The following STK39 variants were observed in gnomAD, a reference collection of about 807,000 sequenced individuals.
STK39 encodes the protein serine/threonine kinase 39.
A neutral mutation model predicts 77.8 loss-of-function variants in STK39; 20 were observed. The observed-to-expected ratio is 0.26, with a 90% confidence interval of 0.18 to 0.37. STK39 has a LOEUF of 0.37. Ranked by LOEUF, STK39 falls within the 10% of genes least tolerant of loss-of-function variation. The pLI is 1.00. For missense variants in STK39, 479 were observed against 656.5 expected (o/e 0.73, Z 2.95); for synonymous variants, 246 against 234.1 (o/e 1.05, Z -0.47).
At chr2:168,075,486 C>T (rs138301334) in intron 10 of STK39, among the ~76,000 whole-genome samples, 6 of 152,024 alleles carry the variant, frequency 3.9e-5, no homozygotes, top group East Asian at 3.9e-4. Context: ...TTTGGAAGAA[C>T]ATTGCACATA....
chr2:168,196,931 G>A (rs1266898310), intron 1 of STK39, among the ~76,000 whole-genome samples: 5 of 152,164 alleles, frequency 3.3e-5, no homozygotes, highest in South Asian at 2.1e-4. Flanking sequence ...GAAAGAGGTG[G>A]TAGGGCAGGT....
chr2:168,027,810 C>A (rs1362496326), intron 14 of STK39, among the ~76,000 whole-genome samples: 3 of 152,164 alleles, frequency 2.0e-5, no homozygotes, highest in Admixed American at 2.0e-4. Flanking sequence ...TTTAGGTTTG[C>A]GGCCTGCAGG....
chr2:168,073,267 C>T (rs1276541012), intron 12 of STK39, among the ~76,000 whole-genome samples: 2 of 152,228 alleles, frequency 1.3e-5, no homozygotes, highest in Non-Finnish European at 2.9e-5. Context: ...TATCCTAAAT[C>T]CTTATGACCT....
intron 10 of STK39, among the ~76,000 whole-genome samples, chr2:168,115,530 C>T (rs1029377857): frequency 1.3e-5 from 2 of 151,946 alleles, no homozygotes; most frequent in Non-Finnish European, 1.5e-5. Context: ...GTGTGGTTAA[C>T]GATTTCTAAA....
At chr2:168,101,826 G>C (rs1686836193) in intron 10 of STK39, among the ~76,000 whole-genome samples, 1 of 152,100 alleles carries the variant, frequency 6.6e-6, no homozygotes, top group Non-Finnish European at 1.5e-5. Flanking sequence ...TGTAAAATGG[G>C]AATGTCAATT....
intron 10 of STK39, among the ~76,000 whole-genome samples, chr2:168,116,032 G>GTAC (rs1323466928): frequency 2.6e-5 from 4 of 152,198 alleles, no homozygotes; most frequent in Non-Finnish European, 5.9e-5. Flanking sequence ...CCATGAGTGG[G>GTAC]TCGTAGAGCC....
At chr2:168,145,937 G>A (rs1031682731) in intron 5 of STK39, among the ~76,000 whole-genome samples, 1 of 152,120 alleles carries the variant, frequency 6.6e-6, no homozygotes, top group African/African-American at 2.4e-5. Flanking sequence ...GTTAGAAATG[G>A]GCTTTCACTG....
intron 1 of STK39, among the ~76,000 whole-genome samples, chr2:168,183,162 T>C (rs535185513): frequency 6.6e-6 from 1 of 152,224 alleles, no homozygotes; most frequent in East Asian, 1.9e-4. Flanking sequence ...AAATGGGTGT[T>C]TACAGGGGTG....
intron 5 of STK39, among the ~76,000 whole-genome samples, chr2:168,151,532 C>T (rs1688282047): frequency 1.3e-5 from 2 of 152,000 alleles, no homozygotes; most frequent in Non-Finnish European, 2.9e-5. Context: ...GTCAGGAGAT[C>T]GAGACCATCC....
At chr2:168,056,311 A>G (rs1270318863) in intron 14 of STK39, among the ~76,000 whole-genome samples, 1 of 152,012 alleles carries the variant, frequency 6.6e-6, no homozygotes, top group Non-Finnish European at 1.5e-5. Context: ...CCAGTTTCCT[A>G]CTTACAAAAT....
chr2:168,087,655 A>T (rs1686404642), intron 10 of STK39, among the ~76,000 whole-genome samples: 1 of 152,208 alleles, frequency 6.6e-6, no homozygotes, highest in South Asian at 2.1e-4. Flanking sequence ...AAGTAAGCCA[A>T]GTCCTTGCAA....
At chr2:168,023,399 A>C (rs1684618382) in intron 14 of STK39, among the ~76,000 whole-genome samples, 1 of 152,146 alleles carries the variant, frequency 6.6e-6, no homozygotes, top group South Asian at 2.1e-4. Flanking sequence ...CAGCTGGCTA[A>C]GAGGCTGGTA....
At chr2:168,177,185 T>G (rs373271161) in intron 2 of STK39, among the ~76,000 whole-genome samples, 3 of 152,198 alleles carry the variant, frequency 2.0e-5, no homozygotes, top group African/African-American at 4.8e-5. Flanking sequence ...AATTCACATA[T>G]GGAAATTATG....
intron 2 of STK39, among the ~76,000 whole-genome samples, chr2:168,178,921 C>G (rs1346586723): frequency 6.6e-6 from 1 of 152,144 alleles, no homozygotes; most frequent in Non-Finnish European, 1.5e-5. Flanking sequence ...GTAAATCCCC[C>G]TTTATTATGG....
intron 10 of STK39, among the ~76,000 whole-genome samples, chr2:168,092,808 T>C (rs1686559796): frequency 1.3e-5 from 2 of 152,170 alleles, no homozygotes; most frequent in Admixed American, 1.3e-4. Flanking sequence ...AATGGCCGCA[T>C]TGTAGATGGC....
At chr2:168,014,792 T>C (rs1684365091) in intron 15 of STK39, among the ~76,000 whole-genome samples, 1 of 152,228 alleles carries the variant, frequency 6.6e-6, no homozygotes, top group African/African-American at 2.4e-5. Context: ...ACTTCTAAAG[T>C]ATCAGTAAGA....
intron 16 of STK39, among the ~76,000 whole-genome samples, chr2:168,001,806 A>AAGT (rs1684008944): frequency 6.6e-6 from 1 of 152,242 alleles, no homozygotes; most frequent in South Asian, 2.1e-4. Flanking sequence ...GGCTATTAAC[A>AAGT]AGTAGACTGT....
chr2:168,179,943 G>A (rs563272537), intron 2 of STK39, among the ~76,000 whole-genome samples: 1 of 152,162 alleles, frequency 6.6e-6, no homozygotes, highest in African/African-American at 2.4e-5. Flanking sequence ...CAGAAGGCAG[G>A]CTCCAGAACT....
intron 10 of STK39, among the ~76,000 whole-genome samples, chr2:168,079,820 C>A (rs80249858): frequency 6.6e-6 from 1 of 152,140 alleles, no homozygotes; most frequent in African/African-American, 2.4e-5. Flanking sequence ...CTATGTTCTA[C>A]GGATTTTACA....
Sources: allele counts gnomAD v4.1 joint callset (sites outside exome capture counted in the v4.1 genomes callset), GRCh38; gene constraint gnomAD v4.1.1; transcripts MANE v1.5; gene names NCBI Gene and HGNC (gene_info 2026-07-23, HGNC 2026-07-21).